The following DNAH11 variants were observed in gnomAD, a reference collection of about 807,000 sequenced individuals.
DNAH11 encodes the protein axonemal beta dynein heavy chain 11.
A neutral mutation model predicts 526.0 loss-of-function variants in DNAH11; 442 were observed. The observed-to-expected ratio is 0.84, with a 90% CI of 0.78 to 0.91. The LOEUF is 0.91. Among genes scored for constraint, DNAH11 ranks in the 40% least tolerant of loss-of-function variants. The pLI, the probability that DNAH11 is intolerant of heterozygous loss-of-function variation, is 0.00. For synonymous variants in DNAH11, 2,461 were observed against 1,935.9 expected (o/e 1.27, Z -7.12); for missense variants, 6,989 against 5,448.7 (o/e 1.28, Z -8.90).
At chr7:21,582,832 C>A (rs1245210450) in intron 9 of DNAH11, among the ~76,000 whole-genome samples, 1 of 152,040 alleles carries the variant, frequency 6.6e-6, no homozygotes, top group African/African-American at 2.4e-5. Flanking sequence ...AATGGCAGTG[C>A]CAAACAATAT....
chr7:21,831,486 A>G (rs1318320409), intron 65 of DNAH11, among the ~76,000 whole-genome samples: 1 of 152,146 alleles, frequency 6.6e-6, no homozygotes, highest in East Asian at 1.9e-4. Context: ...ATTGAGTATA[A>G]TTTACTATCC....
chr7:21,849,689 C>G (rs73279811), intron 66 of DNAH11, among the ~76,000 whole-genome samples: 1 of 151,914 alleles, frequency 6.6e-6, no homozygotes, highest in Non-Finnish European at 1.5e-5. Context: ...AATTGTTATC[C>G]TTGTTCCTTC....
chr7:21,752,511 G>C (rs1435230344), intron 54 of DNAH11, among the ~76,000 whole-genome samples: 1 of 152,120 alleles, frequency 6.6e-6, no homozygotes, highest in Admixed American at 6.6e-5. Flanking sequence ...TGTGTCTCAT[G>C]TATATTTTTC....
intron 30 of DNAH11, among the ~76,000 whole-genome samples, chr7:21,675,696 G>A (rs1366772979): frequency 1.3e-5 from 2 of 152,142 alleles, no homozygotes; most frequent in Non-Finnish European, 2.9e-5. Flanking sequence ...CCTACAGCGA[G>A]TGTTGATTTG....
chr7:21,877,038 C>T (rs925507148), intron 74 of DNAH11, among the ~76,000 whole-genome samples: 1 of 152,132 alleles, frequency 6.6e-6, no homozygotes, highest in African/African-American at 2.4e-5. Flanking sequence ...TGCTGTGGTC[C>T]AATCTTGTTA....
At chr7:21,895,281 A>G (rs1377213768) in intron 79 of DNAH11, among the ~76,000 whole-genome samples, 1 of 152,208 alleles carries the variant, frequency 6.6e-6, no homozygotes, top group African/African-American at 2.4e-5. Context: ...TTAAATCTGA[A>G]AAATGTAGAT....
intron 56 of DNAH11, among the ~76,000 whole-genome samples, chr7:21,777,375 C>A (rs1787723581): frequency 6.6e-6 from 1 of 151,734 alleles, no homozygotes; most frequent in African/African-American, 2.4e-5. Context: ...ATAAATAAAG[C>A]TGTTATGAAT....
rs749869317 is a variant in DNAH11, at chr7:21,683,917, G to A, written c.5594G>A (p.Arg1865Gln). Reference sequence around the variant, plus strand: ...TATGAATACTTAGGAAACAGCCCTCGACTAGTGATCACTCCTCTAACTGAC... The same window carrying A: ...TATGAATACTTAGGAAACAGCCCTCAACTAGTGATCACTCCTCTAACTGAC... ...YFYEYLGNSP[R>Q]LVITPLTDRC... is the part of the protein sequence containing the mutation. Residue 1865 changes from arginine to glutamine, a missense_variant, in exon 32 of 82, where the codon CGA becomes CAA. Physicochemically the swap from Arg to Gln is conservative, Grantham distance 43. Transcript: ENST00000409508. 1.1e-5 allele frequency: 17 copies of A among 1,613,374 alleles called. No homozygotes were observed. The highest frequency in any genetic ancestry group is 6.7e-5 in the African/African-American group (5 of 74,882).
rs530871614 is a variant in DNAH11, at chr7:21,708,001, G to T, written c.6683+166G>T. Among the ~76,000 whole-genome samples, 12 of 152,302 alleles carry T rather than the reference G, an allele frequency of 7.9e-5. No homozygotes were observed. The South Asian group carries it at 2.3e-3, about 29-fold the overall frequency. ...ATTTATAATGTATAAATTAAGACTA[G>T]ATTTGAATAAATACTTGATTTGCAT... On this transcript the variant is annotated intron_variant, in intron 40 of 81. Coordinates refer to ENST00000409508, the MANE Select transcript of DNAH11 (RefSeq NM_001277115.2).
intron 68 of DNAH11, among the ~76,000 whole-genome samples, chr7:21,860,246 A>G (rs1012173171): frequency 1.3e-5 from 2 of 152,046 alleles, no homozygotes; most frequent in African/African-American, 4.8e-5. Context: ...ACTCAAAACC[A>G]CAATGAGATA....
chr7:21,810,074 AT>A lies in DNAH11; in HGVS notation c.10332+2028del, dbSNP rs1185312330. Among the ~76,000 whole-genome samples, 288 of 152,314 alleles carry A rather than the reference AT, an allele frequency of 1.9e-3. 1 individual carries two copies. Among genetic ancestry groups the A allele is most frequent in the Non-Finnish European group, 2.8e-4 (19 of 68,006 alleles). On this transcript the variant is annotated intron_variant, in intron 63 of 81. Transcript: ENST00000409508. ...TGTTTTCTTACTAATATTATGGGTT[AT>A]TTGTTAAAGATTTTTAAAAGACTAC...
intron 30 of DNAH11, among the ~76,000 whole-genome samples, chr7:21,672,852 A>G (rs1483108071): frequency 2.6e-5 from 4 of 152,176 alleles, no homozygotes; most frequent in African/African-American, 4.8e-5. Context: ...ACCACTATGT[A>G]TCAGGAACCA....
At chr7:21,861,084 G>A (rs567565311) in intron 68 of DNAH11, among the ~76,000 whole-genome samples, 16 of 152,308 alleles carry the variant, frequency 1.1e-4, no homozygotes, top group African/African-American at 3.6e-4. Flanking sequence ...AACCACATCA[G>A]TGAGGTACCT....
intron 45 of DNAH11, among the ~76,000 whole-genome samples, chr7:21,734,830 C>G (rs780229749): frequency 3.3e-5 from 5 of 151,398 alleles, no homozygotes; most frequent in Non-Finnish European, 5.9e-5. Flanking sequence ...TGCACTCCAG[C>G]CTGGGTATAG....
Position 21,866,456 on chromosome 7 carries a change from C to T in DNAH11, c.11497-14C>T, listed in dbSNP as rs1783282390. 3.1e-6 allele frequency: 5 copies of T among 1,601,248 alleles called. No individual in the cohort carries two copies. Among genetic ancestry groups the T allele is most frequent in the East Asian group, 2.2e-5 (1 of 44,798 alleles). The stretch of plus-strand genomic sequence containing the variant: ...GTTCACACCATTCCTACTTGTTTCC[C>T]TATCATATTACAGGCAATTGCCGTC... On this transcript the variant is annotated splice_polypyrimidine_tract_variant and intron_variant, in intron 70 of 81. Coordinates refer to ENST00000409508, the MANE Select transcript of DNAH11 (RefSeq NM_001277115.2).
chr7:21,559,637 A>T lies in DNAH11; in HGVS notation c.727A>T (p.Ile243Phe), dbSNP rs189000268. 51 of 1,611,344 alleles carry T rather than the reference A, an allele frequency of 3.2e-5. No individual in the cohort carries two copies. Among genetic ancestry groups the T allele is most frequent in the Non-Finnish European group, 4.2e-5 (50 of 1,178,874 alleles). Reference protein sequence around the residue: ...PSNERIILHAIESVVIEWSHQ... With the variant: ...PSNERIILHAFESVVIEWSHQ... ...AAACGAAAGGATAATACTTCATGCA[A>T]TTGAATCTGTGGTTATTGAATGGTC... The change falls in exon 4 of 82, where the codon ATT becomes TTT. Residue 243 changes from isoleucine to phenylalanine, a missense_variant. Ile to Phe is a conservative substitution (Grantham distance 21). Transcript: ENST00000409508.
At chr7:21,732,179 G>A (rs1324293209) in intron 45 of DNAH11, among the ~76,000 whole-genome samples, 1 of 152,132 alleles carries the variant, frequency 6.6e-6, no homozygotes, top group Non-Finnish European at 1.5e-5. Context: ...AGCTCTGGAG[G>A]CTAGCAGTCC....
rs762234468 is a variant in DNAH11 at position 21,704,476 on chromosome 7, G to A, written c.6316G>A (p.Val2106Met). The change falls in exon 38 of 82, where the codon GTG becomes ATG. Residue 2106 changes from valine (V) to methionine (M), a missense_variant. Val to Met is a conservative substitution (Grantham distance 21). Transcript: ENST00000409508. ...AAGGGATTTCAATATGCCCAAAATAGTGACTGACGACATCCCAGTGTTTCT... is the reference window on the plus strand; with the variant it reads ...AAGGGATTTCAATATGCCCAAAATAATGACTGACGACATCCCAGTGTTTCT... Reference protein sequence around the residue: ...ALRDFNMPKIVTDDIPVFLGL... With the variant: ...ALRDFNMPKIMTDDIPVFLGL... 1 of 1,613,686 alleles carries A rather than the reference G, an allele frequency of 6.2e-7. No individual in the cohort carries two copies. The highest frequency in any genetic ancestry group is 8.5e-7 in the Non-Finnish European group (1 of 1,179,778).
intron 8 of DNAH11, among the ~76,000 whole-genome samples, chr7:21,576,998 T>G (rs953813427): frequency 6.6e-6 from 1 of 151,928 alleles, no homozygotes; most frequent in Non-Finnish European, 1.5e-5. Flanking sequence ...CTAAGAAGAC[T>G]CTGAAAGGTG....
Sources: allele counts gnomAD v4.1 joint callset (sites outside exome capture counted in the v4.1 genomes callset), GRCh38; gene constraint gnomAD v4.1.1; transcripts MANE v1.5; gene names NCBI Gene and HGNC (gene_info 2026-07-23, HGNC 2026-07-21).